ST6GALNAC5: variants seen among roughly 807,000 people sequenced by gnomAD.
ST6GALNAC5 encodes alpha-N-acetylgalactosaminide alpha-2,6-sialyltransferase 5.
A neutral mutation model predicts 33.6 loss-of-function variants in ST6GALNAC5; 27 were observed. The ratio of observed to expected loss-of-function variants is 0.80; its 90% CI spans 0.59 to 1.11. The LOEUF (loss-of-function observed/expected upper bound fraction) is 1.11. Ranked by LOEUF, ST6GALNAC5 falls within the 50% of genes least tolerant of loss-of-function variation. ST6GALNAC5 has a pLI of 0.00. For synonymous variants in ST6GALNAC5, 194 were observed against 171.2 expected (o/e 1.13, Z -1.04); for missense variants, 428 against 454.0 (o/e 0.94, Z 0.52).
At chr1:76,915,806 C>T (rs1252577) in intron 2 of ST6GALNAC5, among the ~76,000 whole-genome samples, 2,939 of 150,108 alleles carry the variant, frequency 0.02, 83 homozygotes, top group African/African-American at 0.069. Flanking sequence ...AAGTAACCTG[C>T]ACATTGTGCA....
At chr1:76,975,711 C>T (rs915249236) in intron 2 of ST6GALNAC5, among the ~76,000 whole-genome samples, 4 of 152,070 alleles carry the variant, frequency 2.6e-5, no homozygotes, top group African/African-American at 7.2e-5. Flanking sequence ...AAAGTTTAAA[C>T]ATGAGAAAAT....
At position 76,927,576 on chromosome 1, in the gene ST6GALNAC5, ATTCT is replaced by A. The variant is rs1647098257; in HGVS notation, c.261+58840_261+58843del. Among the ~76,000 whole-genome samples the A allele has an allele frequency of 3.3e-5, 5 of 152,224 alleles. No homozygotes were observed. In the South Asian group the frequency reaches 1.0e-3, roughly 32 times the overall value. On this transcript the variant is annotated intron_variant, in intron 2 of 4. Coordinates refer to ENST00000477717, the MANE Select transcript of ST6GALNAC5 (RefSeq NM_030965.3). ...AAGTAGCCCCTGGGGAAAATAAATA[ATTCT>A]TTCTTCTGAGTGGCAGAGAACTATA...
chr1:77,012,015 CATAGCGGTCAAG>C (rs377050448), intron 2 of ST6GALNAC5, among the ~76,000 whole-genome samples: 1 of 152,132 alleles, frequency 6.6e-6, no homozygotes, highest in African/African-American at 2.4e-5. Flanking sequence ...CCCAAGGTTC[CATAGCGGTCAAG>C]TGGTGGAGCT....
chr1:76,888,648 T>C (rs945594619), intron 2 of ST6GALNAC5, among the ~76,000 whole-genome samples: 1 of 152,096 alleles, frequency 6.6e-6, no homozygotes, highest in Admixed American at 6.5e-5. Flanking sequence ...CCCTGGACCA[T>C]TTTTTCCCCT....
intron 2 of ST6GALNAC5, among the ~76,000 whole-genome samples, chr1:76,900,817 G>A (rs1046414632): frequency 1.1e-4 from 17 of 152,090 alleles, no homozygotes; most frequent in African/African-American, 4.1e-4. Context: ...TTTATTACTA[G>A]TGAATGCTTT....
intron 2 of ST6GALNAC5, among the ~76,000 whole-genome samples, chr1:76,894,311 T>C (rs1698827): frequency 6.6e-6 from 1 of 152,164 alleles, no homozygotes; most frequent in East Asian, 1.9e-4. Context: ...TTGACCCAGA[T>C]AGGCCTGTTG....
intron 2 of ST6GALNAC5, among the ~76,000 whole-genome samples, chr1:76,894,325 T>C (rs1051220864): frequency 6.6e-6 from 1 of 152,206 alleles, no homozygotes; most frequent in Non-Finnish European, 1.5e-5. Context: ...CCTGTTGCAG[T>C]GTACGGCATG....
At chr1:76,984,321 G>A (rs1041767986) in intron 2 of ST6GALNAC5, among the ~76,000 whole-genome samples, 1 of 152,150 alleles carries the variant, frequency 6.6e-6, no homozygotes, top group Non-Finnish European at 1.5e-5. Context: ...AATAAAAAAT[G>A]ACAAAGTGGA....
Position 77,058,009 on chromosome 1 carries a change from C to G in ST6GALNAC5, c.780-4966C>G, listed in dbSNP as rs1305096848. ...GCTCGCAAGCACCACACATGGGGCTCCTCTGTAGCAAGAGCTCGGAGGAAA... is the reference window on the plus strand; with the variant it reads ...GCTCGCAAGCACCACACATGGGGCTGCTCTGTAGCAAGAGCTCGGAGGAAA... On this transcript the variant is annotated intron_variant, in intron 4 of 4. Transcript: ENST00000477717. 3.9e-5 allele frequency among the ~76,000 whole-genome samples: 6 copies of G among 152,328 alleles called. No individual in the cohort carries two copies. The East Asian group carries it at 1.2e-3, about 29-fold the overall frequency.
At chr1:77,017,627 G>A (rs1005025199) in intron 2 of ST6GALNAC5, among the ~76,000 whole-genome samples, 5 of 152,202 alleles carry the variant, frequency 3.3e-5, no homozygotes, top group Non-Finnish European at 7.3e-5. Context: ...TCCTCATTTT[G>A]AAATGTTGCA....
chr1:77,000,904 A>G (rs1032436482), intron 2 of ST6GALNAC5, among the ~76,000 whole-genome samples: 4 of 152,064 alleles, frequency 2.6e-5, no homozygotes, highest in Non-Finnish European at 5.9e-5. Flanking sequence ...GCCTTGTAAT[A>G]TAGTTTGAAG....
At chr1:77,005,077 G>A (rs1411534608) in intron 2 of ST6GALNAC5, among the ~76,000 whole-genome samples, 2 of 151,782 alleles carry the variant, frequency 1.3e-5, no homozygotes, top group Non-Finnish European at 2.9e-5. Flanking sequence ...AATGGCGGGC[G>A]CCCCTCCCCC....
At chr1:76,959,561 A>G (rs1264518708) in intron 2 of ST6GALNAC5, among the ~76,000 whole-genome samples, 2 of 152,196 alleles carry the variant, frequency 1.3e-5, no homozygotes, top group African/African-American at 4.8e-5. Flanking sequence ...AATGTGGTGG[A>G]TGCTTGCTGA....
chr1:77,027,689 A>G (rs926683889), intron 2 of ST6GALNAC5, among the ~76,000 whole-genome samples: 3 of 152,208 alleles, frequency 2.0e-5, no homozygotes, highest in African/African-American at 7.2e-5. Context: ...GTGGGATTAC[A>G]ACCTTCACTG....
In ST6GALNAC5 at chr1:76,983,751, A is replaced by G. The variant is rs1054820247; in HGVS notation, c.262-60453A>G. 5.3e-5 allele frequency among the ~76,000 whole-genome samples: 8 copies of G among 152,234 alleles called. No homozygotes were observed. In the East Asian group the frequency reaches 1.5e-3, roughly 29 times the overall value. On this transcript the variant is annotated intron_variant, in intron 2 of 4. Transcript: ENST00000477717. ...TCGCACTTATTCCAAAATTGACCAC[A>G]TAGTTGGAAGTAAAGCACTCCTCAG...
intron 2 of ST6GALNAC5, among the ~76,000 whole-genome samples, chr1:76,993,115 T>G (rs2100398571): frequency 6.6e-6 from 1 of 152,282 alleles, no homozygotes; most frequent in Admixed American, 6.5e-5. Context: ...CCCTTTTGCC[T>G]TCCCCAGGAG....
intron 2 of ST6GALNAC5, among the ~76,000 whole-genome samples, chr1:76,998,252 C>T (rs1650012716): frequency 6.6e-6 from 1 of 151,988 alleles, no homozygotes; most frequent in African/African-American, 2.4e-5. Context: ...AAAAAATTAG[C>T]CAGACATGAT....
intron 2 of ST6GALNAC5, among the ~76,000 whole-genome samples, chr1:76,928,733 C>T (rs1647108990): frequency 6.6e-6 from 1 of 152,096 alleles, no homozygotes; most frequent in South Asian, 2.1e-4. Flanking sequence ...CTTCTTGCCA[C>T]CCTCACCCTA....
intron 2 of ST6GALNAC5, among the ~76,000 whole-genome samples, chr1:76,964,519 G>C (rs1242474359): frequency 6.6e-6 from 1 of 151,996 alleles, no homozygotes; most frequent in African/African-American, 2.4e-5. Flanking sequence ...ATAATTGCTT[G>C]CTTGATATTT....
Sources: gnomAD v4.1 joint callset for allele counts (sites outside exome capture counted in the v4.1 genomes callset) on GRCh38, gnomAD v4.1.1 for gene constraint, MANE v1.5 for transcripts, NCBI Gene and HGNC (gene_info 2026-07-23, HGNC 2026-07-21) for gene names.